The following GPR4 variants were observed in gnomAD, a reference collection of about 807,000 sequenced individuals.
GPR4 encodes the protein G protein-coupled receptor 4.
A neutral mutation model predicts 17.8 loss-of-function variants in GPR4; 11 were observed. The ratio of observed to expected loss-of-function variants is 0.62; its 90% CI spans 0.39 to 1.02. The LOEUF (loss-of-function observed/expected upper bound fraction) is 1.02, where lower values mean the gene tolerates loss of function less well. Ranked by LOEUF, GPR4 falls within the 50% of genes least tolerant of loss-of-function variation. GPR4 has a pLI of 0.00. For synonymous variants in GPR4, 219 were observed against 222.8 expected (o/e 0.98, Z 0.15); for missense variants, 364 against 495.4 (o/e 0.73, Z 2.52).
intron 1 of GPR4, among the ~76,000 whole-genome samples, chr19:45,595,521 T>C (rs1970049821): frequency 6.6e-6 from 1 of 151,852 alleles, no homozygotes; most frequent in Non-Finnish European, 1.5e-5. Flanking sequence ...CTCTGCCCTT[T>C]CCCCCGCAAT....
In GPR4 at chr19:45,591,482, G is replaced by T. The variant is rs1969994355; in HGVS notation, c.385C>A (p.Arg129Ser). Residue 129 changes from arginine to serine, a missense_variant, in exon 2 of 2, where the codon CGC (arginine) becomes AGC (serine). By Grantham distance (110) the Arg-to-Ser change is moderately radical. Around this residue, in one of 3 missense-constraint regions of GPR4, gnomAD observed 271 missense variants for 373.1 expected, o/e 0.73. Transcript: ENST00000323040. This position sits in a 1 kb window ranked among gnomAD's most constrained non-coding sequence, Gnocchi z 7.6. ...VAHPLRFARL[R>S]RVKTAVAVSS... ...ACGGCCACGGCGGTCTTGACGCGGC[G>T]CAGGCGGGCGAAGCGGAGTGGGTGG... The T allele has an allele frequency of 1.9e-6, 3 of 1,608,774 alleles. No homozygotes were observed. Among genetic ancestry groups the T allele is most frequent in the Non-Finnish European group, 8.5e-7 (1 of 1,177,820 alleles).
chr19:45,595,319 A>AT (rs1312932944), intron 1 of GPR4, among the ~76,000 whole-genome samples: 61 of 63,860 alleles, frequency 9.6e-4, no homozygotes, highest in Non-Finnish European at 1.5e-3. Context: ...AAATAAATAA[A>AT]AAATAACTGG....
chr19:45,594,069 T>A (rs1212254077), intron 1 of GPR4, among the ~76,000 whole-genome samples: 96 of 71,088 alleles, frequency 1.4e-3, no homozygotes, highest in South Asian at 0.012. Flanking sequence ...AAAAAATATA[T>A]ATATATATAT....
intron 1 of GPR4, among the ~76,000 whole-genome samples, chr19:45,594,517 T>C (rs551710894): frequency 6.6e-6 from 1 of 151,284 alleles, no homozygotes; most frequent in South Asian, 2.1e-4. Flanking sequence ...AATTTATGGA[T>C]ATTACTTCTT....
At chr19:45,598,901 C>T (rs1227210170) in intron 1 of GPR4, among the ~76,000 whole-genome samples, 1 of 152,158 alleles carries the variant, frequency 6.6e-6, no homozygotes, top group Non-Finnish European at 1.5e-5. Flanking sequence ...GTCTCTGGCC[C>T]CTCTGAGAAC....
In GPR4 at chr19:45,590,539, C is replaced by T. The variant is rs2122538859; in HGVS notation, c.*239G>A. ...TGGGCAACACAGTGAGACCCTGTCT[C>T]CAAAAAAATATATTTACTCATCTCC... On this transcript the variant is annotated 3_prime_UTR_variant, in exon 2 of 2. Transcript: ENST00000323040. 1 of 487,578 alleles carries T rather than the reference C, an allele frequency of 2.1e-6. No individual in the cohort carries two copies. Among genetic ancestry groups the T allele is most frequent in the Non-Finnish European group, 3.6e-6 (1 of 278,662 alleles). The allele number at this position is 487,578 out of a possible 1,614,324, so 30.2% of individuals were successfully genotyped here.
At chr19:45,601,002 C>T (rs1279897209) in intron 1 of GPR4, among the ~76,000 whole-genome samples, 1 of 152,134 alleles carries the variant, frequency 6.6e-6, no homozygotes, top group Non-Finnish European at 1.5e-5. Context: ...TGGGATTCCC[C>T]CAGAAAAGAA....
At chr19:45,601,168 G>A (rs1970107636) in intron 1 of GPR4, among the ~76,000 whole-genome samples, 1 of 152,094 alleles carries the variant, frequency 6.6e-6, no homozygotes, top group African/African-American at 2.4e-5. Flanking sequence ...CCACTTCTGC[G>A]CCAAACAAAT....
Position 45,591,584 on chromosome 19 carries a change from A to G in GPR4, c.283T>C (p.Phe95Leu). 6.2e-7 allele frequency: 1 copy of G among 1,613,754 alleles called. No homozygotes were observed. Residue 95 changes from phenylalanine to leucine, a missense_variant, in exon 2 of 2, where the codon TTC (phenylalanine) becomes CTC (leucine). By Grantham distance (22) the Phe-to-Leu change is conservative. Around this residue, in one of 3 missense-constraint regions of GPR4, gnomAD observed 271 missense variants for 373.1 expected, o/e 0.73. Transcript: ENST00000323040. This position sits in a 1 kb window ranked among gnomAD's most constrained non-coding sequence, Gnocchi z 7.6. ...ATGTAGATATTGGTGTAGAAGATGA[A>G]CCCAAAGAGCTTGCAGGACCCGGGG... ...HGPGSCKLFG[F>L]IFYTNIYISI... is the part of the protein sequence containing the mutation.
chr19:45,594,063 A>AAAAAATATAT (rs1376607021), intron 1 of GPR4, among the ~76,000 whole-genome samples: 1 of 36,244 alleles, frequency 2.8e-5, no homozygotes, highest in Non-Finnish European at 4.6e-5. Flanking sequence ...AAAAAAAAAA[A>AAAAAATATAT]ATATATATAT....
At chr19:45,594,063 A>AATATATAT (rs1186316579) in intron 1 of GPR4, among the ~76,000 whole-genome samples, 10 of 36,242 alleles carry the variant, frequency 2.8e-4, no homozygotes, top group Non-Finnish European at 4.1e-4. Flanking sequence ...AAAAAAAAAA[A>AATATATAT]ATATATATAT....
chr19:45,598,325 T>C (rs940641790), intron 1 of GPR4, among the ~76,000 whole-genome samples: 2 of 152,076 alleles, frequency 1.3e-5, no homozygotes, highest in African/African-American at 4.8e-5. Context: ...CGGTTCTTCA[T>C]GGCAGGAGAC....
In GPR4 at chr19:45,591,118, A is replaced by C. The variant is rs763667046; in HGVS notation, c.749T>G (p.Ile250Ser). The change falls in exon 2 of 2, where the codon ATC (isoleucine) becomes AGC (serine). Residue 250 changes from isoleucine to serine, a missense_variant. This residue lies in a region of GPR4 where 271 missense variants were observed against 373.1 expected (regional missense o/e 0.73). Coordinates refer to ENST00000323040, the MANE Select transcript of GPR4 (RefSeq NM_005282.3). This position sits in a 1 kb window ranked among gnomAD's most constrained non-coding sequence, Gnocchi z 7.6. The stretch of plus-strand genomic sequence containing the variant: ...GCAGTCCCAGGGGCGGCCCAGGTAG[A>C]TGGCGCTGCGGGACAGCAAGAGCAC... ...YHVLLLSRSA[I>S]YLGRPWDCGF... The C allele has an allele frequency of 6.2e-7, 1 of 1,613,658 alleles. No individual in the cohort carries two copies.
chr19:45,590,514 TG>T lies in GPR4; in HGVS notation c.*263del. On this transcript the variant is annotated 3_prime_UTR_variant, in exon 2 of 2. Coordinates refer to ENST00000323040, the MANE Select transcript of GPR4 (RefSeq NM_005282.3). ...ACGACTGCACTACTGCACTCCAGCC[TG>T]GGCAACACAGTGAGACCCTGTCTCC... The T allele has an allele frequency of 2.4e-6, 1 of 416,408 alleles. No individual in the cohort carries two copies. Among genetic ancestry groups the T allele is most frequent in the Non-Finnish European group, 4.3e-6 (1 of 233,392 alleles). The allele number at this position is 416,408 out of a possible 1,614,324, so 25.8% of individuals were successfully genotyped here. A position where few individuals can be genotyped will look rare whatever the true frequency, so the allele number is the denominator to read the frequency against.
At position 45,592,171 on chromosome 19, in the gene GPR4, T is replaced by G; in HGVS notation, c.-305A>C. 9 of 293,108 alleles carry G rather than the reference T, an allele frequency of 3.1e-5. No individual in the cohort carries two copies. Among genetic ancestry groups the G allele is most frequent in the East Asian group, 1.3e-4 (2 of 15,720 alleles). 18.2% of individuals were successfully genotyped at this position (293,108 alleles called of 1,614,324 possible). On this transcript the variant is annotated 5_prime_UTR_variant, in exon 2 of 2. Coordinates refer to ENST00000323040, the MANE Select transcript of GPR4 (RefSeq NM_005282.3). The stretch of plus-strand genomic sequence containing the variant: ...TGGAGTCAGTGTGTCAACGAGGGAG[T>G]ATGGGGGTGACACAAAAATTGGTCT...
intron 1 of GPR4, among the ~76,000 whole-genome samples, chr19:45,596,714 G>A (rs925019261): frequency 6.6e-6 from 1 of 151,556 alleles, no homozygotes; most frequent in Non-Finnish European, 1.5e-5. Flanking sequence ...CTGGCTAATC[G>A]TTCTATTTTT....
Position 45,591,353 on chromosome 19 carries a change from A to G in GPR4, c.514T>C (p.Phe172Leu). 2 of 1,613,230 alleles carry G rather than the reference A, an allele frequency of 1.2e-6. No homozygotes were observed. Among genetic ancestry groups the G allele is most frequent in the Non-Finnish European group, 1.7e-6 (2 of 1,179,892 alleles). ...RYNHTFCFEK[F>L]PMEGWVAWMN... ...CAGGCCACCCAGCCTTCCATGGGGA[A>G]CTTCTCAAAGCAGAAGGTGTGGTTG... The change falls in exon 2 of 2, where the codon TTC (phenylalanine) becomes CTC (leucine). Residue 172 changes from phenylalanine to leucine, a missense_variant. Around this residue, in one of 3 missense-constraint regions of GPR4, gnomAD observed 271 missense variants for 373.1 expected, o/e 0.73. Transcript: ENST00000323040. This position sits in a 1 kb window ranked among gnomAD's most constrained non-coding sequence, Gnocchi z 7.6.
Position 45,591,930 on chromosome 19 carries a change from C to A in GPR4, c.-64G>T, listed in dbSNP as rs946266901. The A allele has an allele frequency of 3.3e-6, 5 of 1,508,352 alleles. No homozygotes were observed. In the African/African-American group the frequency reaches 5.6e-5, roughly 17 times the overall value. The allele number at this position is 1,508,352 out of a possible 1,614,324, so 93.4% of individuals were successfully genotyped here. ...ACGGGGGCTGTGGGGCCACAGGGAG[C>A]GGGAGGCCATGGGGCCCCCTGAGCC... On this transcript the variant is annotated 5_prime_UTR_variant, in exon 2 of 2. Transcript: ENST00000323040. This position sits in a 1 kb window ranked among gnomAD's most constrained non-coding sequence, Gnocchi z 7.6.
At chr19:45,593,968 C>T (rs559090937) in intron 1 of GPR4, among the ~76,000 whole-genome samples, 186 of 147,226 alleles carry the variant, frequency 1.3e-3, no homozygotes, top group African/African-American at 4.6e-3. Flanking sequence ...CAGCCTCAAC[C>T]TCCTGGGCTT....
Sources: allele counts gnomAD v4.1 joint callset (sites outside exome capture counted in the v4.1 genomes callset), GRCh38; gene constraint gnomAD v4.1.1; regional missense constraint gnomAD v4.1.1; non-coding constraint Gnocchi (gnomAD v3.1); transcripts MANE v1.5; gene names NCBI Gene and HGNC (gene_info 2026-07-23, HGNC 2026-07-21).